Variants in DAB1 observed in about 807,000 individuals in gnomAD.
The protein encoded by DAB1 is disabled homolog 1.
DAB1 carries 15 observed loss-of-function variants against 64.6 expected under a neutral mutation model. That is an observed-to-expected ratio of 0.23 (90% CI 0.16 to 0.36). The LOEUF is 0.36. Among genes scored for constraint, DAB1 ranks in the 10% least tolerant of loss-of-function variants. The pLI is 1.00. For missense variants in DAB1, 596 were observed against 706.7 expected (o/e 0.84, Z 1.78); for synonymous variants, 235 against 251.9 (o/e 0.93, Z 0.64).
intron 7 of DAB1, among the ~76,000 whole-genome samples, chr1:57,498,020 C>A (rs1644249562): frequency 6.6e-6 from 1 of 152,076 alleles, no homozygotes; most frequent in Admixed American, 6.6e-5. Context: ...GGAGATAGAG[C>A]AAGTGGAAAT....
Position 57,520,642 on chromosome 1 carries a change from T to A in DAB1, n.625+128950A>T, listed in dbSNP as rs537891022. ...TGCTATCAATTGGAAGCAGACAGCA[T>A]GTTGCCTTGATAAACTTAGTTTTTC... On this transcript the variant is annotated intron_variant and non_coding_transcript_variant, in intron 7 of 20. Coordinates refer to the DAB1 transcript ENST00000485760. Among the ~76,000 whole-genome samples the A allele has an allele frequency of 3.3e-5, 5 of 152,310 alleles. No individual in the cohort carries two copies. The East Asian group carries it at 9.7e-4, about 29-fold the overall frequency.
intron 6 of DAB1, among the ~76,000 whole-genome samples, chr1:57,781,548 C>G (rs1569665052): frequency 6.6e-6 from 1 of 151,918 alleles, no homozygotes; most frequent in Non-Finnish European, 1.5e-5. Context: ...TCCCAATTTA[C>G]AGATGGAGAA....
intron 1 of DAB1, among the ~76,000 whole-genome samples, chr1:58,540,581 C>G (rs1646590806): frequency 6.7e-6 from 1 of 148,988 alleles, no homozygotes; most frequent in Non-Finnish European, 1.5e-5. Flanking sequence ...GACAAGAAAA[C>G]TGTAAGAACT....
chr1:58,056,494 A>C (rs758279602), intron 5 of DAB1: 28 of 1,273,474 alleles, frequency 2.2e-5, no homozygotes, highest in South Asian at 1.4e-4. Flanking sequence ...GGAGGCACGG[A>C]CCAGAGAGAG....
intron 2 of DAB1, among the ~76,000 whole-genome samples, chr1:57,157,077 A>G (rs1420723939): frequency 6.6e-6 from 1 of 152,210 alleles, no homozygotes; most frequent in Non-Finnish European, 1.5e-5. Flanking sequence ...CTGGAGTCGT[A>G]AATGGCCTCC....
intron 4 of DAB1, among the ~76,000 whole-genome samples, chr1:58,304,804 A>G (rs1662268355): frequency 6.6e-6 from 1 of 152,126 alleles, no homozygotes; most frequent in African/African-American, 2.4e-5. Flanking sequence ...ATTCTGACGC[A>G]GCAGGACTGA....
chr1:57,854,534 A>T (rs982809657), intron 1 of DAB1, among the ~76,000 whole-genome samples: 1 of 152,182 alleles, frequency 6.6e-6, no homozygotes, highest in Non-Finnish European at 1.5e-5. Context: ...GATAAAACAG[A>T]GGGTCCCAGT....
intron 1 of DAB1, among the ~76,000 whole-genome samples, chr1:57,350,703 G>A (rs1019171136): frequency 6.6e-6 from 1 of 151,960 alleles, no homozygotes; most frequent in Non-Finnish European, 1.5e-5. Flanking sequence ...TTTCCAGTTG[G>A]ATTCACACAA....
intron 2 of DAB1, among the ~76,000 whole-genome samples, chr1:57,169,603 A>G (rs190044926): frequency 5.2e-4 from 79 of 152,230 alleles, no homozygotes; most frequent in African/African-American, 1.8e-3. Context: ...TCCTCATAAC[A>G]TCCAATTGTA....
chr1:58,251,836 G>A (rs1025518779), intron 4 of DAB1, among the ~76,000 whole-genome samples: 7 of 152,170 alleles, frequency 4.6e-5, no homozygotes, highest in African/African-American at 1.7e-4. Context: ...TGCAGAGAAT[G>A]TACTGAAGGG....
intron 5 of DAB1, among the ~76,000 whole-genome samples, chr1:58,110,302 A>G (rs1289512074): frequency 6.6e-6 from 1 of 152,190 alleles, no homozygotes; most frequent in Non-Finnish European, 1.5e-5. Context: ...TCAAAGTGGG[A>G]TTCTGTCATT....
At chr1:58,460,269 T>C (rs1462460133) in intron 3 of DAB1, among the ~76,000 whole-genome samples, 2 of 152,064 alleles carry the variant, frequency 1.3e-5, no homozygotes, top group Non-Finnish European at 2.9e-5. Flanking sequence ...ATGAGGAAAA[T>C]GGCACCAGTA....
intron 3 of DAB1, among the ~76,000 whole-genome samples, chr1:58,481,771 C>T (rs538683401): frequency 6.2e-4 from 94 of 152,082 alleles, no homozygotes; most frequent in Non-Finnish European, 1.1e-3. Context: ...TTAAGTCTCA[C>T]GAGATCTGAT....
At chr1:58,218,295 G>C (rs981819490) in intron 4 of DAB1, among the ~76,000 whole-genome samples, 2 of 152,194 alleles carry the variant, frequency 1.3e-5, no homozygotes, top group Non-Finnish European at 2.9e-5. Context: ...ATGAGGGTCA[G>C]AGCAGGAGCC....
At chr1:58,489,662 C>A (rs1240472367) in intron 3 of DAB1, among the ~76,000 whole-genome samples, 2 of 152,248 alleles carry the variant, frequency 1.3e-5, no homozygotes, top group East Asian at 3.9e-4. Context: ...GGTCCCTGAC[C>A]CCTGAGTAGC....
intron 10 of DAB1, among the ~76,000 whole-genome samples, chr1:57,024,569 G>A (rs1048215201): frequency 6.6e-6 from 1 of 152,124 alleles, no homozygotes; most frequent in Non-Finnish European, 1.5e-5. Flanking sequence ...TTGTTCTGAG[G>A]ATTATTAAAT....
At chr1:57,863,703 A>G (rs1190961683) in intron 1 of DAB1, among the ~76,000 whole-genome samples, 1 of 152,186 alleles carries the variant, frequency 6.6e-6, no homozygotes, top group Non-Finnish European at 1.5e-5. Context: ...ATTAGAAACA[A>G]GAGATCTTGG....
At chr1:57,010,822 TC>T in intron 13 of DAB1, 32 bp from the exon 14 acceptor site, 8 of 1,461,456 alleles carry the variant, frequency 5.5e-6, no homozygotes, top group East Asian at 4.6e-5. Flanking sequence ...CTTTTTTTTT[TC>T]TCTCTTTTCA....
intron 1 of DAB1, among the ~76,000 whole-genome samples, chr1:57,853,929 G>C (rs1653642938): frequency 6.6e-6 from 1 of 152,170 alleles, no homozygotes; most frequent in South Asian, 2.1e-4. Flanking sequence ...GTTTTTACCA[G>C]AGCAGCTCTG....
Sources: allele counts gnomAD v4.1 joint callset (sites outside exome capture counted in the v4.1 genomes callset), GRCh38; gene constraint gnomAD v4.1.1; transcripts MANE v1.5; gene names NCBI Gene and HGNC (gene_info 2026-07-23, HGNC 2026-07-21).